MPPED2: variants seen among roughly 807,000 people sequenced by gnomAD.
MPPED2 encodes metallophosphoesterase MPPED2.
In MPPED2, 5 loss-of-function variants were observed where a neutral mutation model predicts 33.0. That is an observed-to-expected ratio of 0.15 (90% confidence interval 0.08 to 0.32). The LOEUF (loss-of-function observed/expected upper bound fraction) is 0.32. Among genes scored for constraint, MPPED2 ranks in the 10% least tolerant of loss-of-function variants. MPPED2 has a pLI of 1.00. For synonymous variants in MPPED2, 136 were observed against 141.9 expected (o/e 0.96, Z 0.29); for missense variants, 275 against 372.1 (o/e 0.74, Z 2.15).
At chr11:30,579,221 A>C (rs902140962) in intron 2 of MPPED2, among the ~76,000 whole-genome samples, 1 of 150,690 alleles carries the variant, frequency 6.6e-6, no homozygotes, top group Non-Finnish European at 1.5e-5. Flanking sequence ...GTGTCCTACT[A>C]TTTTTTTTTA....
chr11:30,535,564 A>G (rs1439463040), intron 3 of MPPED2, among the ~76,000 whole-genome samples: 1 of 152,204 alleles, frequency 6.6e-6, no homozygotes, highest in East Asian at 1.9e-4. Flanking sequence ...TGTTTCATAT[A>G]AGGACTTTTA....
chr11:30,506,836 G>C (rs1471767057), intron 3 of MPPED2, among the ~76,000 whole-genome samples: 2 of 152,214 alleles, frequency 1.3e-5, no homozygotes, highest in African/African-American at 4.8e-5. Flanking sequence ...CATTTGGGCA[G>C]ATGATGCAGG....
intron 4 of MPPED2, among the ~76,000 whole-genome samples, chr11:30,478,273 G>A (rs1951314017): frequency 6.6e-6 from 1 of 152,030 alleles, no homozygotes; most frequent in South Asian, 2.1e-4. Flanking sequence ...AACTAAAAGA[G>A]AAACCCACAG....
At chr11:30,537,250 CA>C (rs1242180543) in intron 2 of MPPED2, among the ~76,000 whole-genome samples, 1 of 152,166 alleles carries the variant, frequency 6.6e-6, no homozygotes, top group African/African-American at 2.4e-5. Flanking sequence ...TAGGAATGTA[CA>C]CTTATTTTCG....
intron 4 of MPPED2, among the ~76,000 whole-genome samples, chr11:30,455,941 AACACAG>A (rs1590343312): frequency 6.6e-6 from 1 of 152,224 alleles, no homozygotes; most frequent in East Asian, 1.9e-4. Context: ...TCTCCACTCT[AACACAG>A]ACAGGACGCT....
intron 4 of MPPED2, among the ~76,000 whole-genome samples, chr11:30,461,341 A>G (rs189928782): frequency 1.3e-5 from 2 of 152,332 alleles, no homozygotes; most frequent in African/African-American, 4.8e-5. Context: ...ACTGAACTGT[A>G]CACTTAAAAA....
chr11:30,452,736 A>G (rs1950116259), intron 4 of MPPED2, among the ~76,000 whole-genome samples: 1 of 152,170 alleles, frequency 6.6e-6, no homozygotes, highest in African/African-American at 2.4e-5. Context: ...TTGTCTTGAG[A>G]AAGATATTCT....
chr11:30,467,821 G>A (rs1375024633), intron 4 of MPPED2, among the ~76,000 whole-genome samples: 3 of 152,186 alleles, frequency 2.0e-5, no homozygotes, highest in Admixed American at 6.5e-5. Context: ...TATTGCTCAC[G>A]CCTTGGGCTT....
At chr11:30,491,955 A>G (rs998660118) in intron 4 of MPPED2, among the ~76,000 whole-genome samples, 4 of 152,216 alleles carry the variant, frequency 2.6e-5, no homozygotes, top group African/African-American at 9.6e-5. Flanking sequence ...CCCTCATTGT[A>G]AAGAGATGCT....
At chr11:30,563,983 C>A (rs1956338694) in intron 2 of MPPED2, among the ~76,000 whole-genome samples, 1 of 152,154 alleles carries the variant, frequency 6.6e-6, no homozygotes, top group Admixed American at 6.5e-5. Flanking sequence ...CTCCCACATG[C>A]TTCTTTGTTC....
chr11:30,433,497 A>C (rs1022630348), intron 4 of MPPED2, among the ~76,000 whole-genome samples: 2 of 152,188 alleles, frequency 1.3e-5, no homozygotes, highest in African/African-American at 4.8e-5. Flanking sequence ...AAACTGAGGC[A>C]AAAAGAGGCT....
chr11:30,567,306 A>G (rs1480666529), intron 2 of MPPED2, among the ~76,000 whole-genome samples: 3 of 152,166 alleles, frequency 2.0e-5, no homozygotes, highest in Admixed American at 2.0e-4. Context: ...AATGAGGCTT[A>G]CCCAGAGGCC....
chr11:30,443,714 C>G (rs112528211), intron 4 of MPPED2, among the ~76,000 whole-genome samples: 18 of 152,232 alleles, frequency 1.2e-4, no homozygotes, highest in African/African-American at 4.3e-4. Context: ...CTCATCTCCC[C>G]CACCATCTTC....
chr11:30,555,439 G>A (rs1955919553), intron 2 of MPPED2, among the ~76,000 whole-genome samples: 1 of 152,144 alleles, frequency 6.6e-6, no homozygotes, highest in East Asian at 1.9e-4. Flanking sequence ...TCTTAGATGA[G>A]TGACATGGTT....
intron 4 of MPPED2, among the ~76,000 whole-genome samples, chr11:30,419,697 A>G (rs111860855): frequency 1.6e-4 from 25 of 152,230 alleles, no homozygotes; most frequent in Middle Eastern, 3.4e-3. Context: ...CACCCTCAGG[A>G]TTTGGCTGGT....
intron 2 of MPPED2, among the ~76,000 whole-genome samples, chr11:30,546,997 A>G (rs1955458292): frequency 6.6e-6 from 1 of 152,184 alleles, no homozygotes; most frequent in Non-Finnish European, 1.5e-5. Context: ...ATGAAAGACT[A>G]CTTTCTTCCC....
At chr11:30,467,068 A>G (rs1397169629) in intron 4 of MPPED2, among the ~76,000 whole-genome samples, 5 of 152,168 alleles carry the variant, frequency 3.3e-5, no homozygotes, top group Non-Finnish European at 5.9e-5. Context: ...CCTTATTCTA[A>G]GAAGACCTCG....
intron 2 of MPPED2, among the ~76,000 whole-genome samples, chr11:30,557,972 C>A (rs1278217738): frequency 6.6e-6 from 1 of 152,048 alleles, no homozygotes; most frequent in Non-Finnish European, 1.5e-5. Context: ...TAAATAAATA[C>A]GAGTAAAGAT....
intron 6 of MPPED2, among the ~76,000 whole-genome samples, chr11:30,402,253 T>G (rs1301960513): frequency 6.6e-6 from 1 of 152,218 alleles, no homozygotes; most frequent in African/African-American, 2.4e-5. Flanking sequence ...GCTACTGGCC[T>G]GGATATAAAT....
Sources: gnomAD v4.1 joint callset for allele counts (sites outside exome capture counted in the v4.1 genomes callset) on GRCh38, gnomAD v4.1.1 for gene constraint, MANE v1.5 for transcripts, NCBI Gene and HGNC (gene_info 2026-07-23, HGNC 2026-07-21) for gene names.